Variants in AGO3 observed in about 807,000 individuals in gnomAD.
AGO3 encodes argonaute RISC catalytic component 3, also known as protein argonaute-3.
In AGO3, 16 loss-of-function variants were observed where a neutral mutation model predicts 105.5. The observed-to-expected ratio is 0.15, with a 90% CI of 0.10 to 0.23. AGO3 has a LOEUF of 0.23. Ranked by LOEUF, AGO3 falls within the 10% of genes least tolerant of loss-of-function variation. AGO3 has a pLI of 1.00. For missense variants in AGO3, 534 were observed against 1,088.0 expected (o/e 0.49, Z 7.16); for synonymous variants, 340 against 367.3 (o/e 0.93, Z 0.85).
At chr1:36,040,941 C>T (rs975970293) in intron 16 of AGO3, among the ~76,000 whole-genome samples, 2 of 151,360 alleles carry the variant, frequency 1.3e-5, no homozygotes, top group African/African-American at 2.4e-5. Flanking sequence ...GGTGTGGTGG[C>T]GCACATCTGT....
chr1:36,034,385 C>T (rs1223113596), intron 13 of AGO3, 52 bp downstream of exon 13: 2 of 1,376,426 alleles, frequency 1.5e-6, no homozygotes, highest in East Asian at 5.0e-5. Flanking sequence ...CTTCATTTGT[C>T]TATATATGAC....
rs185117487 is a variant in AGO3 at position 36,034,087 on chromosome 1, G to A, written c.1592-87G>A. ...CCTGTAATACAATGATGGATTTTAA[G>A]GGGGAAACATAGTAGCTTTATTTTC... On this transcript the variant is annotated intron_variant, in intron 12 of 18. Coordinates refer to ENST00000373191, the MANE Select transcript of AGO3 (RefSeq NM_024852.4). 1.0e-5 allele frequency: 13 copies of A among 1,296,408 alleles called. No individual in the cohort carries two copies. The African/African-American group carries it at 2.0e-4, about 20-fold the overall frequency. 80.3% of individuals were successfully genotyped at this position (1,296,408 alleles called of 1,614,324 possible). A position where few individuals can be genotyped will look rare whatever the true frequency, so the allele number is the denominator to read the frequency against.
chr1:36,006,422 A>C (rs887176723), intron 6 of AGO3, among the ~76,000 whole-genome samples: 2 of 152,080 alleles, frequency 1.3e-5, no homozygotes, highest in Non-Finnish European at 2.9e-5. Context: ...ATATATATAT[A>C]TCTATATATG....
intron 16 of AGO3, among the ~76,000 whole-genome samples, chr1:36,042,583 T>C (rs772297941): frequency 4.6e-5 from 7 of 152,214 alleles, no homozygotes; most frequent in Non-Finnish European, 8.8e-5. Context: ...AAAAATATTA[T>C]CTGAGTCAGT....
chr1:35,990,567 C>T (rs1453304040), intron 5 of AGO3, among the ~76,000 whole-genome samples: 1 of 152,178 alleles, frequency 6.6e-6, no homozygotes, highest in Non-Finnish European at 1.5e-5. Flanking sequence ...GTCCGTAAAA[C>T]ATTCACTATC....
chr1:36,064,765 T>C lies in AGO3; in HGVS notation c.*9020T>C, dbSNP rs1259728979. 1.3e-5 allele frequency: 2 copies of C among 152,264 alleles called. No individual in the cohort carries two copies. The highest frequency in any genetic ancestry group is 4.8e-5 in the African/African-American group (2 of 41,464). The allele number at this position is 152,264 out of a possible 1,614,324, so 9.4% of individuals were successfully genotyped here. A position where few individuals can be genotyped will look rare whatever the true frequency, so the allele number is the denominator to read the frequency against. ...CCAGTTACATTAGTTTGCCCTATGA[T>C]ATACTATTCTGAGATACTTCAGCCC... On this transcript the variant is annotated 3_prime_UTR_variant, in exon 19 of 19. Transcript: ENST00000373191.
intron 11 of AGO3, among the ~76,000 whole-genome samples, chr1:36,021,570 T>C (rs1431976907): frequency 6.6e-6 from 1 of 152,198 alleles, no homozygotes; most frequent in Non-Finnish European, 1.5e-5. Context: ...TAAGCCTGTT[T>C]ATTATCTCTT....
intron 12 of AGO3, among the ~76,000 whole-genome samples, chr1:36,032,056 C>T (rs925612915): frequency 4.6e-4 from 70 of 152,198 alleles, no homozygotes; most frequent in African/African-American, 1.5e-3. Flanking sequence ...TTCAGCTATT[C>T]TGGGTATACA....
intron 12 of AGO3, among the ~76,000 whole-genome samples, chr1:36,033,827 A>T (rs1641891028): frequency 6.6e-6 from 1 of 152,206 alleles, no homozygotes; most frequent in African/African-American, 2.4e-5. Context: ...AAAATAATAT[A>T]AATGAGAAAA....
upstream of AGO3, chr1:35,930,952 C>A (rs1337463641): frequency 6.5e-6 from 2 of 308,828 alleles, no homozygotes; most frequent in Non-Finnish European, 1.2e-5. Context: ...CGCATGTGGC[C>A]CGGCTCCCGG....
At chr1:35,977,496 G>A (rs1008285657) in intron 5 of AGO3, among the ~76,000 whole-genome samples, 1 of 150,108 alleles carries the variant, frequency 6.7e-6, no homozygotes, top group African/African-American at 2.5e-5. Flanking sequence ...AGGGTCAAGC[G>A]ATCTTCCCAC....
At chr1:35,980,971 C>T (rs114474140) in intron 5 of AGO3, among the ~76,000 whole-genome samples, 7 of 152,194 alleles carry the variant, frequency 4.6e-5, no homozygotes, top group African/African-American at 1.4e-4. Context: ...TAGTCTTCAT[C>T]TTTTTAATTC....
intron 16 of AGO3, among the ~76,000 whole-genome samples, chr1:36,041,201 AAG>A (rs1262536504): frequency 6.6e-6 from 1 of 151,544 alleles, no homozygotes; most frequent in East Asian, 1.9e-4. Flanking sequence ...TTAGGAAGGA[AAG>A]AGAGGTATAA....
intron 11 of AGO3, among the ~76,000 whole-genome samples, chr1:36,018,421 T>C (rs188037738): frequency 2.0e-4 from 31 of 152,168 alleles, no homozygotes; most frequent in Admixed American, 1.4e-3. Context: ...AACTTCTCTG[T>C]GTGTGAGGGT....
Position 36,000,973 on chromosome 1 carries a change from C to T in AGO3, c.659-3368C>T, listed in dbSNP as rs553528725. The stretch of plus-strand genomic sequence containing the variant: ...CTCATGGGCCAGGCGTGGTGGCTCA[C>T]GCCTGTAATCCCAGCACTTTGGGAG... On this transcript the variant is annotated intron_variant, in intron 5 of 18. Transcript: ENST00000373191. Among the ~76,000 whole-genome samples the T allele has an allele frequency of 2.3e-4, 35 of 152,220 alleles. 1 individual carries two copies. In the Middle Eastern group the frequency reaches 0.01, roughly 44 times the overall value.
chr1:35,969,871 G>A (rs893744460), intron 3 of AGO3, among the ~76,000 whole-genome samples: 12 of 152,128 alleles, frequency 7.9e-5, no homozygotes, highest in East Asian at 3.8e-4. Flanking sequence ...GTATCTAAAC[G>A]TATCTAACTA....
intron 16 of AGO3, among the ~76,000 whole-genome samples, chr1:36,041,235 C>CTTTT (rs958423621): frequency 8.7e-4 from 75 of 86,408 alleles, no homozygotes; most frequent in East Asian, 2.2e-3. Context: ...AATATGTTTT[C>CTTTT]TTTTTTTTTT....
In AGO3 at chr1:36,067,302, G is replaced by A. The variant is rs1643107453; in HGVS notation, c.*11557G>A. 1 of 152,034 alleles carries A rather than the reference G, an allele frequency of 6.6e-6. No homozygotes were observed. The highest frequency in any genetic ancestry group is 2.4e-5 in the African/African-American group (1 of 41,564). The allele number at this position is 152,034 out of a possible 1,614,324, so 9.4% of individuals were successfully genotyped here. ...ATCCCAGGGAGTTTAACAAAAGGAA[G>A]CTTTGGTTTTGCTAGCAACAGACTT... On this transcript the variant is annotated 3_prime_UTR_variant, in exon 19 of 19. Coordinates refer to ENST00000373191, the MANE Select transcript of AGO3 (RefSeq NM_024852.4).
rs1206740956 is a variant in AGO3 at position 35,973,396 on chromosome 1, A to G, written c.543A>G (p.Ser181=). The change falls in exon 5 of 19, where the codon TCA becomes TCG. Residue 181 remains serine (S), a synonymous_variant. Coordinates refer to ENST00000373191, the MANE Select transcript of AGO3 (RefSeq NM_024852.4). ...GTAGATACACACCTGTGGGGCGTTC[A>G]TTTTTCTCCGCTCCAGAAGGATATG... ...PSMKYTPVGR[S]FFSAPEGYDH... is the part of the protein sequence containing the mutation. 4 of 1,583,968 alleles carry G rather than the reference A, an allele frequency of 2.5e-6. No individual in the cohort carries two copies. The highest frequency in any genetic ancestry group is 3.4e-6 in the Non-Finnish European group (4 of 1,161,758).
Sources: gnomAD v4.1 joint callset for allele counts (sites outside exome capture counted in the v4.1 genomes callset) on GRCh38, gnomAD v4.1.1 for gene constraint, MANE v1.5 for transcripts, NCBI Gene and HGNC (gene_info 2026-07-23, HGNC 2026-07-21) for gene names.